MRC1: variants seen among roughly 807,000 people sequenced by gnomAD.
MRC1 encodes macrophage mannose receptor 1.
MRC1 carries 62 observed loss-of-function variants against 102.9 expected under a neutral mutation model. That is an observed-to-expected ratio of 0.60 (90% CI 0.49 to 0.74). The LOEUF (loss-of-function observed/expected upper bound fraction) is 0.74, where lower values mean the gene tolerates loss of function less well. MRC1 is among the 30% of genes least tolerant of loss of function. MRC1 has a pLI of 0.00. For synonymous variants in MRC1, 457 were observed against 298.4 expected, an observed-to-expected ratio of 1.53 and a Z score of -5.48; for missense variants, 1,237 against 862.8, an observed-to-expected ratio of 1.43 and a Z score of -5.43.
chr10:17,818,942 G>A (rs1007478472), intron 1 of MRC1, among the ~76,000 whole-genome samples: 1 of 152,178 alleles, frequency 6.6e-6, no homozygotes, highest in Non-Finnish European at 1.5e-5. Context: ...GGTTGGTGGT[G>A]AGGGCAGACA....
intron 1 of MRC1, among the ~76,000 whole-genome samples, chr10:17,809,761 G>A (rs1047584141): frequency 5.3e-5 from 8 of 152,112 alleles, no homozygotes; most frequent in African/African-American, 1.9e-4. Context: ...CTGCCCTGCC[G>A]GGAACCCTAC....
At chr10:17,897,719 A>AAG (rs1833774985) in intron 23 of MRC1, among the ~76,000 whole-genome samples, 1 of 152,208 alleles carries the variant, frequency 6.6e-6, no homozygotes, top group South Asian at 2.1e-4. Flanking sequence ...GGATTAAACT[A>AAG]CGGCATTTCT....
At chr10:17,868,717 G>A (rs1833313795) in intron 12 of MRC1, among the ~76,000 whole-genome samples, 1 of 152,178 alleles carries the variant, frequency 6.6e-6, no homozygotes, top group Non-Finnish European at 1.5e-5. Context: ...TCAGGATGAC[G>A]CTGTGCAGTC....
At chr10:17,870,057 A>C (rs1833332731) in intron 12 of MRC1, among the ~76,000 whole-genome samples, 189 bp from the exon 13 acceptor site, 1 of 152,220 alleles carries the variant, frequency 6.6e-6, no homozygotes, top group African/African-American at 2.4e-5. Context: ...CAATAAAAGA[A>C]TCCCCCAAGT....
At chr10:17,813,456 A>G (rs1218590146) in intron 1 of MRC1, among the ~76,000 whole-genome samples, 2 of 152,096 alleles carry the variant, frequency 1.3e-5, no homozygotes, top group African/African-American at 4.8e-5. Flanking sequence ...ATTCCAATAT[A>G]AATGTATGTC....
At chr10:17,847,335 T>C (rs2130637713) in intron 6 of MRC1, among the ~76,000 whole-genome samples, 1 of 152,332 alleles carries the variant, frequency 6.6e-6, no homozygotes, top group African/African-American at 2.4e-5. Flanking sequence ...ATGGAAATGT[T>C]CATGACTCTT....
intron 17 of MRC1, among the ~76,000 whole-genome samples, chr10:17,877,190 C>T (rs1833448300): frequency 1.4e-5 from 2 of 147,782 alleles, no homozygotes; most frequent in African/African-American, 4.9e-5. Context: ...ACATGTTCTC[C>T]CAAGTTTGAA....
intron 23 of MRC1, among the ~76,000 whole-genome samples, chr10:17,897,565 A>C (rs1393722143): frequency 6.6e-6 from 1 of 152,222 alleles, no homozygotes. Flanking sequence ...ATTACTCACA[A>C]GTGAAGTCAA....
chr10:17,811,784 A>C (rs1271467903), intron 1 of MRC1, among the ~76,000 whole-genome samples: 6 of 151,922 alleles, frequency 3.9e-5, no homozygotes, highest in Admixed American at 6.6e-5. Context: ...ATGGGGTCTC[A>C]CTATCTTGCT....
At chr10:17,886,443 C>A (rs1368309859) in intron 22 of MRC1, among the ~76,000 whole-genome samples, 1 of 151,934 alleles carries the variant, frequency 6.6e-6, no homozygotes, top group African/African-American at 2.4e-5. Context: ...CACCCTGTTA[C>A]CCAGGCTGGA....
chr10:17,853,723 G>A (rs959826956), intron 8 of MRC1, among the ~76,000 whole-genome samples: 123 of 152,126 alleles, frequency 8.1e-4, no homozygotes, highest in African/African-American at 2.9e-3. Flanking sequence ...TGTACTTGGG[G>A]AGCTACATTC....
At chr10:17,859,993 G>C (rs1833158973) in intron 9 of MRC1, among the ~76,000 whole-genome samples, 4 of 152,040 alleles carry the variant, frequency 2.6e-5, no homozygotes, top group African/African-American at 9.7e-5. Flanking sequence ...GGGTTACCGG[G>C]GTTACTGGTA....
rs1029105980 is a variant in MRC1 at position 17,841,383 on chromosome 10, C to T, written c.916+577C>T. Among the ~76,000 whole-genome samples, 68 of 152,220 alleles carry T rather than the reference C, an allele frequency of 4.5e-4. No individual in the cohort carries two copies. The East Asian group carries it at 9.7e-3, about 22-fold the overall frequency. ...TTTCCTGTTTTTGATTTAATAACAT[C>T]GGCTTAAAAATACTATCTCAGTTAC... is the stretch of plus-strand genomic sequence containing the variant. On this transcript the variant is annotated intron_variant, in intron 5 of 29. Coordinates refer to ENST00000569591, the MANE Select transcript of MRC1 (RefSeq NM_002438.4).
At chr10:17,852,479 C>G (rs1554840607) in intron 7 of MRC1, among the ~76,000 whole-genome samples, 2 of 152,012 alleles carry the variant, frequency 1.3e-5, no homozygotes, top group African/African-American at 4.8e-5. Context: ...TTCTTGATAA[C>G]AAGAGTCAGT....
At chr10:17,896,807 G>T (rs924447628) in intron 23 of MRC1, among the ~76,000 whole-genome samples, 3 of 152,096 alleles carry the variant, frequency 2.0e-5, no homozygotes, top group African/African-American at 2.4e-5. Context: ...AAACAAAAAA[G>T]TTGGCACTTC....
At chr10:17,863,825 G>T (rs1043066362) in intron 11 of MRC1, 143 bp downstream of exon 11, 11 of 640,724 alleles carry the variant, frequency 1.7e-5, no homozygotes, top group Middle Eastern at 3.0e-4. Context: ...TTCTCTTTTC[G>T]TTTTTTCTTT....
At chr10:17,860,818 T>C (rs1332740125) in intron 9 of MRC1, among the ~76,000 whole-genome samples, 2 of 152,240 alleles carry the variant, frequency 1.3e-5, no homozygotes, top group African/African-American at 2.4e-5. Context: ...ATAGTTTTCG[T>C]TGCAAGATAC....
chr10:17,817,774 G>A (rs1460487282), intron 1 of MRC1, among the ~76,000 whole-genome samples: 2 of 152,072 alleles, frequency 1.3e-5, no homozygotes, highest in East Asian at 3.9e-4. Flanking sequence ...AAACATAATT[G>A]GTATGGACAA....
intron 9 of MRC1, among the ~76,000 whole-genome samples, chr10:17,856,686 C>T (rs1037427086): frequency 6.6e-6 from 1 of 152,052 alleles, no homozygotes. Flanking sequence ...CATCCACCTT[C>T]TATAGTAGAA....
Sources: allele counts gnomAD v4.1 joint callset (sites outside exome capture counted in the v4.1 genomes callset), GRCh38; gene constraint gnomAD v4.1.1; transcripts MANE v1.5; gene names NCBI Gene and HGNC (gene_info 2026-07-23, HGNC 2026-07-21).